The following SDK1 variants were observed in gnomAD, a reference collection of about 807,000 sequenced individuals.
The protein encoded by SDK1 is protein sidekick-1.
In SDK1, 157 loss-of-function variants were observed where a neutral mutation model predicts 245.5. That is an observed-to-expected ratio of 0.64 (90% CI 0.56 to 0.73). The LOEUF (loss-of-function observed/expected upper bound fraction) is 0.73. SDK1 is among the 30% of genes least tolerant of loss of function. The pLI is 0.00. For synonymous variants in SDK1, 1,647 were observed against 1,278.5 expected, an observed-to-expected ratio of 1.29 and a Z score of -6.15; for missense variants, 3,583 against 3,002.3, an observed-to-expected ratio of 1.19 and a Z score of -4.52.
chr7:3,633,077 T>A (rs1782346863), intron 2 of SDK1, among the ~76,000 whole-genome samples: 2 of 152,056 alleles, frequency 1.3e-5, no homozygotes, highest in East Asian at 3.8e-4. Context: ...TAACCCATAT[T>A]TTTTTTTCAT....
chr7:3,766,738 C>A (rs1308091958), intron 4 of SDK1, among the ~76,000 whole-genome samples: 1 of 152,028 alleles, frequency 6.6e-6, no homozygotes, highest in African/African-American at 2.4e-5. Flanking sequence ...GAAATAGGAA[C>A]AAATGATGAG....
At chr7:3,824,835 C>T (rs768417019) in intron 5 of SDK1, among the ~76,000 whole-genome samples, 1 of 152,026 alleles carries the variant, frequency 6.6e-6, no homozygotes, top group East Asian at 1.9e-4. Context: ...ATAATGGTAC[C>T]GCCTGCTGTT....
In SDK1 at chr7:3,707,266, T is replaced by C. The variant is rs185466883; in HGVS notation, c.713+65161T>C. On this transcript the variant is annotated intron_variant, in intron 4 of 44. Transcript: ENST00000404826. ...GATAACTTGTGTCACTGTTATTTAT[T>C]TCAAAGAATTTTTAAATTTCCATCT... Among the ~76,000 whole-genome samples the C allele has an allele frequency of 3.1e-4, 47 of 152,348 alleles. 1 individual carries two copies. The highest frequency in any genetic ancestry group is 1.1e-3 in the African/African-American group (44 of 41,588).
chr7:4,211,732 C>T (rs1319425837), intron 38 of SDK1, among the ~76,000 whole-genome samples: 1 of 152,242 alleles, frequency 6.6e-6, no homozygotes, highest in African/African-American at 2.4e-5. Context: ...GCCTCAGCCT[C>T]CCGAGTAGCT....
intron 1 of SDK1, among the ~76,000 whole-genome samples, chr7:3,578,335 CA>C (rs1305102741): frequency 6.6e-6 from 1 of 151,890 alleles, no homozygotes; most frequent in Non-Finnish European, 1.5e-5. Flanking sequence ...TCACATGCTT[CA>C]AAGGGCAAAA....
rs528291268 is a variant in SDK1 at position 4,156,284 on chromosome 7, C to G, written c.4626-2164C>G. 3.9e-4 allele frequency among the ~76,000 whole-genome samples: 59 copies of G among 152,226 alleles called. 2 individuals are homozygous for G. The South Asian group carries it at 0.012, about 31-fold the overall frequency. ...TGGGAGAAGACACATGGTTATCACCCAGATGAGGCAAAGTAACTCCTAGGA... is the reference window on the plus strand; with the variant it reads ...TGGGAGAAGACACATGGTTATCACCGAGATGAGGCAAAGTAACTCCTAGGA... On this transcript the variant is annotated intron_variant, in intron 30 of 44. Transcript: ENST00000404826.
chr7:3,592,418 C>T (rs143223557), intron 1 of SDK1, among the ~76,000 whole-genome samples: 2 of 152,318 alleles, frequency 1.3e-5, no homozygotes, highest in East Asian at 1.9e-4. Context: ...TCAGAAACCG[C>T]CTTCTACTTT....
intron 1 of SDK1, among the ~76,000 whole-genome samples, chr7:3,543,122 C>T (rs1165532928): frequency 6.6e-6 from 1 of 152,210 alleles, no homozygotes; most frequent in Non-Finnish European, 1.5e-5. Context: ...ACCTATGTCT[C>T]CAAAGTAACG....
chr7:3,498,134 T>G (rs1782082112), intron 1 of SDK1, among the ~76,000 whole-genome samples: 1 of 152,254 alleles, frequency 6.6e-6, no homozygotes, highest in Non-Finnish European at 1.5e-5. Context: ...AAAACTAATT[T>G]GGGCCTCTTT....
rs566954271 is a variant in SDK1 at position 3,561,465 on chromosome 7, G to A, written c.299-57615G>A. On this transcript the variant is annotated intron_variant, in intron 1 of 44. Transcript: ENST00000404826. Reference sequence around the variant, plus strand: ...TTAGACTCCACAAGCAGTGAAACTCGGAGATCTCTGAGAACATAAGCTTTC... The same window carrying A: ...TTAGACTCCACAAGCAGTGAAACTCAGAGATCTCTGAGAACATAAGCTTTC... Among the ~76,000 whole-genome samples the A allele has an allele frequency of 1.4e-3, 216 of 152,278 alleles. 4 individuals carry two copies. Among genetic ancestry groups the A allele is most frequent in the African/African-American group, 5.0e-3 (208 of 41,544 alleles).
rs116691228 is a variant in SDK1 at position 3,860,407 on chromosome 7, T to A, written c.847+38824T>A. 6.7e-3 allele frequency among the ~76,000 whole-genome samples: 1,021 copies of A among 152,284 alleles called. 10 individuals carry two copies. The highest frequency in any genetic ancestry group is 0.023 in the African/African-American group (955 of 41,566). On this transcript the variant is annotated intron_variant, in intron 5 of 44. Transcript: ENST00000404826. Reference sequence around the variant, plus strand: ...TGAATACATATTGCCAGTAAATGCATGAAAAGATGGTCAAGTTGACTTTTC... The same window carrying A: ...TGAATACATATTGCCAGTAAATGCAAGAAAAGATGGTCAAGTTGACTTTTC...
chr7:3,534,025 T>C (rs559225120), intron 1 of SDK1, among the ~76,000 whole-genome samples: 1 of 152,364 alleles, frequency 6.6e-6, no homozygotes, highest in South Asian at 2.1e-4. Flanking sequence ...CATATTGCTT[T>C]ATTGGAACTT....
chr7:3,842,969 C>T (rs934177769), intron 5 of SDK1, among the ~76,000 whole-genome samples: 131 of 152,058 alleles, frequency 8.6e-4, no homozygotes, highest in African/African-American at 2.8e-3. Flanking sequence ...GGTGGCTCAA[C>T]GCACATTCTC....
intron 1 of SDK1, among the ~76,000 whole-genome samples, chr7:3,517,896 C>T (rs936397661): frequency 6.6e-6 from 1 of 152,014 alleles, no homozygotes; most frequent in Non-Finnish European, 1.5e-5. Flanking sequence ...TATCTTTAGC[C>T]CATTCTCAGT....
intron 1 of SDK1, among the ~76,000 whole-genome samples, chr7:3,448,522 T>G (rs1780414195): frequency 6.6e-6 from 1 of 152,174 alleles, no homozygotes; most frequent in Admixed American, 6.5e-5. Flanking sequence ...CTATCTTTGT[T>G]TAGGTTTTCC....
intron 1 of SDK1, among the ~76,000 whole-genome samples, chr7:3,468,836 C>T (rs772298711): frequency 2.0e-5 from 3 of 152,124 alleles, no homozygotes; most frequent in African/African-American, 7.2e-5. Context: ...TCTGTGTACA[C>T]GTTAATAAAT....
chr7:4,097,659 T>TTCCC (rs1366984985), intron 22 of SDK1, among the ~76,000 whole-genome samples: 4 of 152,190 alleles, frequency 2.6e-5, no homozygotes, highest in African/African-American at 9.7e-5. Context: ...CAAATGCTTT[T>TTCCC]ATCTCATCAC....
intron 5 of SDK1, among the ~76,000 whole-genome samples, chr7:3,857,879 A>AT (rs1196939038): frequency 6.6e-6 from 1 of 152,210 alleles, no homozygotes; most frequent in Non-Finnish European, 1.5e-5. Context: ...GCTATTAAAT[A>AT]TTTTTGAATA....
At chr7:3,870,560 T>G (rs1396560961) in intron 5 of SDK1, among the ~76,000 whole-genome samples, 3 of 146,058 alleles carry the variant, frequency 2.1e-5, no homozygotes, top group Non-Finnish European at 4.5e-5. Context: ...TTTACCTTTT[T>G]GTAAAAAAGA....
Sources: allele counts gnomAD v4.1 joint callset (sites outside exome capture counted in the v4.1 genomes callset), GRCh38; gene constraint gnomAD v4.1.1; transcripts MANE v1.5; gene names NCBI Gene and HGNC (gene_info 2026-07-23, HGNC 2026-07-21).